Variants in FRYL observed in about 807,000 individuals in gnomAD.
FRYL encodes FRY like transcription coactivator.
In FRYL, 150 loss-of-function variants were observed where a neutral mutation model predicts 351.2. The observed-to-expected ratio is 0.43, with a 90% CI of 0.37 to 0.49. The LOEUF (loss-of-function observed/expected upper bound fraction) is 0.49. FRYL is among the 20% of genes least tolerant of loss of function. The probability of loss-of-function intolerance (pLI) is 0.00; values close to 1 mark genes in which losing one functional copy is unlikely to be tolerated. For missense variants in FRYL, 3,036 were observed against 3,619.3 expected (o/e 0.84, Z 4.13); for synonymous variants, 1,153 against 1,257.1 (o/e 0.92, Z 1.75).
chr4:48,742,177 C>T (rs1772162118), intron 1 of FRYL, among the ~76,000 whole-genome samples: 1 of 152,316 alleles, frequency 6.6e-6, no homozygotes, highest in Non-Finnish European at 1.5e-5. Flanking sequence ...TGAAACTACT[C>T]TGAAAAGTTG....
chr4:48,770,970 GCA>G (rs35505368), intron 1 of FRYL, among the ~76,000 whole-genome samples: 77,180 of 151,716 alleles, frequency 0.51, 20,039 homozygotes, highest in South Asian at 0.61. Flanking sequence ...AAGAATCAAA[GCA>G]CAGTTCTTTT....
intron 1 of FRYL, among the ~76,000 whole-genome samples, chr4:48,768,552 C>A (rs1775192354): frequency 1.3e-5 from 2 of 152,268 alleles, no homozygotes; most frequent in East Asian, 1.9e-4. Context: ...CGCCTGTAAT[C>A]CCAGCACTCT....
intron 1 of FRYL, among the ~76,000 whole-genome samples, chr4:48,767,738 T>C (rs532205454): frequency 2.4e-4 from 36 of 152,336 alleles, no homozygotes; most frequent in African/African-American, 7.2e-4. Context: ...GAAAACCTAA[T>C]GTACAGCATG....
Position 48,534,683 on chromosome 4 carries a change from C to A in FRYL, c.6567G>T (p.Leu2189=), listed in dbSNP as rs778456205. 5.9e-6 allele frequency: 9 copies of A among 1,519,606 alleles called. No individual in the cohort carries two copies. Among genetic ancestry groups the A allele is most frequent in the Non-Finnish European group, 7.2e-6 (8 of 1,107,808 alleles). 94.1% of individuals were successfully genotyped at this position (1,519,606 alleles called of 1,614,324 possible). A position where few individuals can be genotyped will look rare whatever the true frequency, so the allele number is the denominator to read the frequency against. Reference sequence around the variant, plus strand: ...GCATACTGGACAATCCTTTCTCTAACAGCTAAAAATAATGTTAAAAGTAAT... The same window carrying A: ...GCATACTGGACAATCCTTTCTCTAAAAGCTAAAAATAATGTTAAAAGTAAT... ...TFNLVTYLAE[L]LEKGLSSMQQ... The change falls in exon 49 of 64, where the codon CTG becomes CTT. Residue 2189 remains leucine (L), a splice_region_variant and synonymous_variant. Coordinates refer to ENST00000358350, the MANE Select transcript of FRYL (RefSeq NM_015030.2).
intron 3 of FRYL, among the ~76,000 whole-genome samples, chr4:48,668,861 C>G (rs1762197241): frequency 1.3e-5 from 2 of 152,216 alleles, no homozygotes; most frequent in African/African-American, 4.8e-5. Context: ...AAGGCCACAA[C>G]TTGTATCTGG....
At chr4:48,598,929 T>G in intron 13 of FRYL, 1 of 758,300 alleles carries the variant, frequency 1.3e-6, no homozygotes, top group Non-Finnish European at 1.6e-6. Context: ...CACATGCATG[T>G]TAGATGAAAA....
intron 1 of FRYL, among the ~76,000 whole-genome samples, chr4:48,748,607 T>TA (rs1437536130): frequency 2.0e-5 from 3 of 152,190 alleles, no homozygotes; most frequent in Admixed American, 6.5e-5. Context: ...AGATGGGAAG[T>TA]AGATACTTAT....
At position 48,544,859 on chromosome 4, in the gene FRYL, A is replaced by G. The variant is rs1185844740; in HGVS notation, c.5325T>C (p.Asn1775=). Reference sequence around the variant, plus strand: ...ACTGTTCAGCACTCTTTATGCTAGGATTCTTGGCAGAAACATCCTCATGGT... The same window carrying G: ...ACTGTTCAGCACTCTTTATGCTAGGGTTCTTGGCAGAAACATCCTCATGGT... ...LWNHEDVSAK[N]PSIKSAEQLT... is the part of the protein sequence containing the mutation. The change falls in exon 43 of 64, where the codon AAT becomes AAC. Residue 1775 remains asparagine, a synonymous_variant. Transcript: ENST00000358350. 6.2e-7 allele frequency: 1 copy of G among 1,609,432 alleles called. No homozygotes were observed. The highest frequency in any genetic ancestry group is 2.2e-5 in the East Asian group (1 of 44,596).
At chr4:48,658,418 T>C (rs1287956663) in intron 3 of FRYL, among the ~76,000 whole-genome samples, 1 of 151,866 alleles carries the variant, frequency 6.6e-6, no homozygotes, top group Non-Finnish European at 1.5e-5. Flanking sequence ...GTCTTCTCTT[T>C]TCTGGAGTTT....
At chr4:48,568,206 A>G (rs905904872) in intron 27 of FRYL, among the ~76,000 whole-genome samples, 4 of 152,222 alleles carry the variant, frequency 2.6e-5, no homozygotes, top group African/African-American at 9.6e-5. Context: ...CCTGTGATCT[A>G]GTCACTGCAT....
At position 48,501,603 on chromosome 4, in the gene FRYL, T is replaced by TAA. The variant is rs1218921732; in HGVS notation, c.8592+18_8592+19dup. 1.5e-6 allele frequency: 2 copies of TAA among 1,302,116 alleles called. No individual in the cohort carries two copies. Among genetic ancestry groups the TAA allele is most frequent in the African/African-American group, 2.9e-5 (2 of 68,630 alleles). 80.7% of individuals were successfully genotyped at this position (1,302,116 alleles called of 1,614,324 possible). On this transcript the variant is annotated intron_variant, in intron 62 of 63. Transcript: ENST00000358350. ...TTTTTTAGAATCAGTTACTGATGCC[T>TAA]AATACAACTGAATATTTACCTCTGC...
intron 13 of FRYL, among the ~76,000 whole-genome samples, chr4:48,600,361 G>C (rs1745460287): frequency 6.6e-6 from 1 of 152,144 alleles, no homozygotes; most frequent in Admixed American, 6.5e-5. Context: ...AATTTCTGCT[G>C]AATAGAGCCT....
intron 31 of FRYL, 70 bp downstream of exon 31, chr4:48,563,878 G>T (rs775471695): frequency 6.6e-7 from 1 of 1,519,024 alleles, no homozygotes; most frequent in African/African-American, 1.4e-5. Context: ...TCCTATTTTT[G>T]AATTCAAAAG....
chr4:48,562,897 G>C lies in FRYL; in HGVS notation c.3688C>G (p.Leu1230Val). Residue 1230 changes from leucine (L) to valine (V), a missense_variant, in exon 32 of 64, where the codon CTT (leucine) becomes GTT (valine). Physicochemically the swap from Leu to Val is conservative, Grantham distance 32. Transcript: ENST00000358350. ...TTCACATGTTTACAAACCTGTAAAA[G>C]TTGCATAGCAACTTCATAGATACTT... ...SRSIYEVAMQ[L>V]LQILEPKMFR... 6.4e-7 allele frequency: 1 copy of C among 1,571,178 alleles called. No homozygotes were observed. Among genetic ancestry groups the C allele is most frequent in the Non-Finnish European group, 8.7e-7 (1 of 1,146,478 alleles).
At chr4:48,616,647 C>T (rs766397100) in intron 7 of FRYL, among the ~76,000 whole-genome samples, 42 of 152,120 alleles carry the variant, frequency 2.8e-4, no homozygotes, top group Non-Finnish European at 4.1e-4. Context: ...GAGTTCCAAA[C>T]GTGTGATTAT....
rs1386793269 is a variant in FRYL, at chr4:48,545,971, T to C, written c.5279+96A>G. ...AAACCTGTGTATTTCACATCAATGG[T>C]ATTTCAGACAACAAAAATATGGCTC... is the stretch of plus-strand genomic sequence containing the variant. On this transcript the variant is annotated intron_variant, in intron 42 of 63. Transcript: ENST00000358350. The C allele has an allele frequency of 1.8e-5, 19 of 1,070,092 alleles. No individual in the cohort carries two copies. In the Middle Eastern group the frequency reaches 9.3e-4, roughly 53 times the overall value. 66.3% of individuals were successfully genotyped at this position (1,070,092 alleles called of 1,614,324 possible).
chr4:48,667,501 C>A (rs1330644362), intron 3 of FRYL, among the ~76,000 whole-genome samples: 1 of 150,522 alleles, frequency 6.6e-6, no homozygotes, highest in African/African-American at 2.4e-5. Context: ...TTCCATGAGA[C>A]AACTGAAGAC....
At chr4:48,544,040 G>T in intron 43 of FRYL, 43 bp from the exon 44 acceptor site, 1 of 1,521,350 alleles carries the variant, frequency 6.6e-7, no homozygotes, top group Non-Finnish European at 9.1e-7. Context: ...TTGTTCTTTA[G>T]AATACTAATG....
intron 33 of FRYL, among the ~76,000 whole-genome samples, chr4:48,558,229 A>G (rs1046669413): frequency 6.6e-6 from 1 of 152,242 alleles, no homozygotes; most frequent in African/African-American, 2.4e-5. Flanking sequence ...AATATTATGC[A>G]CCCTTAAAAA....
Sources: allele counts gnomAD v4.1 joint callset (sites outside exome capture counted in the v4.1 genomes callset), GRCh38; gene constraint gnomAD v4.1.1; transcripts MANE v1.5; gene names NCBI Gene and HGNC (gene_info 2026-07-23, HGNC 2026-07-21).